NUP98: variants seen among roughly 807,000 people sequenced by gnomAD.
NUP98 encodes the protein nuclear pore complex protein Nup98-Nup96.
A neutral mutation model predicts 191.9 loss-of-function variants in NUP98; 26 were observed. The ratio of observed to expected loss-of-function variants is 0.14; its 90% CI spans 0.10 to 0.19. The LOEUF (loss-of-function observed/expected upper bound fraction) is 0.19, where lower values mean the gene tolerates loss of function less well. NUP98 is among the 10% of genes least tolerant of loss of function. The probability of loss-of-function intolerance (pLI) is 1.00; values close to 1 mark genes in which losing one functional copy is unlikely to be tolerated. For synonymous variants in NUP98, 808 were observed against 778.4 expected (o/e 1.04, Z -0.63); for missense variants, 1,941 against 2,178.8 (o/e 0.89, Z 2.17).
rs555005116 is a variant in NUP98 at position 3,712,077 on chromosome 11, T to C, written c.2742+487A>G. ...TATTTTTCATAAAGATTATGTACTA[T>C]TAAAATACAAATATCAAGGTTACCC... is the stretch of plus-strand genomic sequence containing the variant. On this transcript the variant is annotated intron_variant, in intron 20 of 32. Coordinates refer to ENST00000324932, the MANE Select transcript of NUP98 (RefSeq NM_016320.5). 3.6e-3 allele frequency: 3,819 copies of C among 1,050,250 alleles called. 10 individuals are homozygous for C. The highest frequency in any genetic ancestry group is 0.014 in the Middle Eastern group (32 of 2,328). The allele number at this position is 1,050,250 out of a possible 1,614,324, so 65.1% of individuals were successfully genotyped here.
Position 3,760,538 on chromosome 11 carries a change from C to G in NUP98, c.1174+1G>C, listed in dbSNP as rs1589902061. On this transcript the variant is annotated splice_donor_variant, in intron 10 of 32. Transcript: ENST00000324932. LOFTEE classifies it high-confidence loss of function. ...TCCTAAAGTCAGGGTTGGTTTGTTACCAAAGAGCCCGCCACTGGTTGTACC... is the reference window on the plus strand; with the variant it reads ...TCCTAAAGTCAGGGTTGGTTTGTTAGCAAAGAGCCCGCCACTGGTTGTACC... The G allele has an allele frequency of 6.2e-7, 1 of 1,614,066 alleles. No individual in the cohort carries two copies. Among genetic ancestry groups the G allele is most frequent in the Non-Finnish European group, 8.5e-7 (1 of 1,179,980 alleles).
At chr11:3,693,635 C>T (rs2078393930) in intron 26 of NUP98, among the ~76,000 whole-genome samples, 1 of 152,104 alleles carries the variant, frequency 6.6e-6, no homozygotes, top group Non-Finnish European at 1.5e-5. Flanking sequence ...TCAAGCAATC[C>T]TCCCTCCTCA....
intron 15 of NUP98, among the ~76,000 whole-genome samples, chr11:3,724,430 C>A (rs2079531735): frequency 1.7e-5 from 2 of 119,528 alleles, no homozygotes; most frequent in Non-Finnish European, 3.5e-5. Context: ...GAGCAAAACT[C>A]CATCTCAAAA....
At chr11:3,696,815 AAAACAAAAACAAAAC>A (rs1397511246) in intron 25 of NUP98, 1 of 141,702 alleles carries the variant, frequency 7.1e-6, no homozygotes, top group Non-Finnish European at 1.5e-5. Flanking sequence ...CTCGAAAACA[AAAACAAAAACAAAAC>A]AAAAAACAAA....
chr11:3,693,809 G>A (rs2078401351), intron 26 of NUP98, among the ~76,000 whole-genome samples: 1 of 152,174 alleles, frequency 6.6e-6, no homozygotes, highest in African/African-American at 2.4e-5. Context: ...CATAAGTGCT[G>A]ACCAGCTACA....
At chr11:3,720,887 T>C (rs2079367609) in intron 16 of NUP98, 62 bp from the exon 17 acceptor site, 1 of 677,040 alleles carries the variant, frequency 1.5e-6, no homozygotes, top group Non-Finnish European at 2.5e-6. Context: ...AGCAACTAAA[T>C]CATCATATAA....
chr11:3,748,057 T>C (rs1229056872), intron 11 of NUP98, among the ~76,000 whole-genome samples: 1 of 152,154 alleles, frequency 6.6e-6, no homozygotes, highest in Non-Finnish European at 1.5e-5. Context: ...GTATAAGGAA[T>C]ATACAACAGC....
At chr11:3,745,910 C>A (rs2080471086) in intron 11 of NUP98, among the ~76,000 whole-genome samples, 1 of 152,230 alleles carries the variant, frequency 6.6e-6, no homozygotes, top group South Asian at 2.1e-4. Flanking sequence ...ACCAAGACAA[C>A]CCACACAATA....
At chr11:3,795,306 T>C (rs1346378675) in intron 1 of NUP98, among the ~76,000 whole-genome samples, 3 of 151,964 alleles carry the variant, frequency 2.0e-5, no homozygotes, top group Non-Finnish European at 4.4e-5. Context: ...ATTAGCTGGG[T>C]ATGGTGGTGC....
intron 8 of NUP98, among the ~76,000 whole-genome samples, chr11:3,765,896 G>A (rs1047208066): frequency 1.3e-5 from 2 of 151,828 alleles, no homozygotes; most frequent in Non-Finnish European, 2.9e-5. Context: ...TGAATAACCA[G>A]TTGTCCCAGC....
In NUP98 at chr11:3,773,412, G is replaced by A. The variant is rs552709823; in HGVS notation, c.603+220C>T. ...TCAAAAAAAAAAAAAGACCATTAGGGGTGCTAGACCTTCACATACCCCTGA... is the reference window on the plus strand; with the variant it reads ...TCAAAAAAAAAAAAAGACCATTAGGAGTGCTAGACCTTCACATACCCCTGA... On this transcript the variant is annotated intron_variant, in intron 6 of 32. Coordinates refer to ENST00000324932, the MANE Select transcript of NUP98 (RefSeq NM_016320.5). Among the ~76,000 whole-genome samples, 311 of 151,904 alleles carry A rather than the reference G, an allele frequency of 2.0e-3. 3 individuals carry two copies. The highest frequency in any genetic ancestry group is 3.8e-3 in the Non-Finnish European group (260 of 67,966).
Position 3,762,968 on chromosome 11 carries a change from C to G in NUP98, c.1020G>C (p.Gly340=), listed in dbSNP as rs1034236398. 11 of 1,614,022 alleles carry G rather than the reference C, an allele frequency of 6.8e-6. No individual in the cohort carries two copies. Among genetic ancestry groups the G allele is most frequent in the Non-Finnish European group, 4.2e-6 (5 of 1,180,022 alleles). ...GACCTGTTCCTGTTCCAAATGCTGT[C>G]CCAGTGCTGGTGTTTGTAGCTGTCC... ...LFGTATNTST[G]TAFGTGTGLF... The change falls in exon 9 of 33, where the codon GGG becomes GGC. Residue 340 remains glycine, a synonymous_variant. Transcript: ENST00000324932.
rs796126391 is a variant in NUP98 at position 3,771,092 on chromosome 11, A to G, written c.784+656T>C. 6.8e-4 allele frequency among the ~76,000 whole-genome samples: 104 copies of G among 152,286 alleles called. 1 individual carries two copies. Among genetic ancestry groups the G allele is most frequent in the African/African-American group, 2.3e-3 (97 of 41,560 alleles). Reference sequence around the variant, plus strand: ...TGGCCAGGCTAGTCTTGAACTCCTGACCTCAAGCAACCCACCTGCCTTGGC... The same window carrying G: ...TGGCCAGGCTAGTCTTGAACTCCTGGCCTCAAGCAACCCACCTGCCTTGGC... On this transcript the variant is annotated intron_variant, in intron 7 of 32. Transcript: ENST00000324932.
chr11:3,762,560 G>C (rs572410976), intron 9 of NUP98, among the ~76,000 whole-genome samples: 1 of 152,132 alleles, frequency 6.6e-6, no homozygotes, highest in Admixed American at 6.5e-5. Context: ...CTACAAAAGA[G>C]GGAAGAACTA....
chr11:3,733,682 T>C (rs755079191), intron 13 of NUP98, among the ~76,000 whole-genome samples: 2 of 152,238 alleles, frequency 1.3e-5, no homozygotes, highest in Non-Finnish European at 2.9e-5. Flanking sequence ...TACTCCTATT[T>C]ATGGCTAAAT....
intron 1 of NUP98, among the ~76,000 whole-genome samples, chr11:3,783,929 T>C (rs2082057508): frequency 6.6e-6 from 1 of 152,188 alleles, no homozygotes; most frequent in Non-Finnish European, 1.5e-5. Context: ...CTTCATAGTT[T>C]ACTCAGAGCT....
At chr11:3,709,826 G>A (rs1463717685) in intron 20 of NUP98, among the ~76,000 whole-genome samples, 4 of 3,958 alleles carry the variant, frequency 1.0e-3, no homozygotes, top group Non-Finnish European at 7.0e-3. Context: ...GGGGTGGGGG[G>A]AGGGGGGAGG....
chr11:3,774,395 G>C (rs2081636531), intron 5 of NUP98, among the ~76,000 whole-genome samples: 1 of 151,682 alleles, frequency 6.6e-6, no homozygotes, highest in South Asian at 2.1e-4. Flanking sequence ...CTGGGCGACA[G>C]AGTGAGACTC....
chr11:3,770,124 C>A (rs572574930), intron 7 of NUP98, among the ~76,000 whole-genome samples: 1 of 151,392 alleles, frequency 6.6e-6, no homozygotes, highest in African/African-American at 2.4e-5. Context: ...GCTGGTTAAT[C>A]GCCTGAGGTC....
Sources: allele counts gnomAD v4.1 joint callset (sites outside exome capture counted in the v4.1 genomes callset), GRCh38; gene constraint gnomAD v4.1.1; transcripts MANE v1.5; gene names NCBI Gene and HGNC (gene_info 2026-07-23, HGNC 2026-07-21).